BRIP1: variants seen among roughly 807,000 people sequenced by gnomAD.
BRIP1 encodes BRCA1 interacting DNA helicase 1.
A neutral mutation model predicts 119.7 loss-of-function variants in BRIP1; 88 were observed. The observed-to-expected ratio is 0.74, with a 90% CI of 0.62 to 0.88. The LOEUF (loss-of-function observed/expected upper bound fraction) is 0.88. BRIP1 is among the 40% of genes least tolerant of loss of function. The pLI is 0.00. For missense variants in BRIP1, 1,259 were observed against 1,455.4 expected, an observed-to-expected ratio of 0.87 and a Z score of 2.20; for synonymous variants, 443 against 496.5, an observed-to-expected ratio of 0.89 and a Z score of 1.43.
Position 61,743,062 on chromosome 17 carries a change from C to T in BRIP1, c.2330G>A (p.Arg777His), listed in dbSNP as rs747568830. The T allele has an allele frequency of 1.4e-5, 22 of 1,613,802 alleles. No individual in the cohort carries two copies. The highest frequency in any genetic ancestry group is 4.0e-5 in the African/African-American group (3 of 74,896). Residue 777 changes from arginine to histidine, a missense_variant, in exon 16 of 20, where the codon CGT (arginine) becomes CAT (histidine). Physicochemically the swap from Arg to His is conservative, Grantham distance 29. Around this residue, in one of 3 missense-constraint regions of BRIP1, gnomAD observed 753 missense variants for 891.8 expected, o/e 0.84. Transcript: ENST00000259008. The surrounding 1 kb of genome is among the most constrained non-coding windows in gnomAD (Gnocchi z 4.3). ...EGLDFSDDNA[R>H]AVITIGIPFP... Reference sequence around the variant, plus strand: ...AGGAATTCCTATTGTTATGACAGCACGGGCATTGTCATCTGAGAAATCCAG... The same window carrying T: ...AGGAATTCCTATTGTTATGACAGCATGGGCATTGTCATCTGAGAAATCCAG...
At position 61,706,100 on chromosome 17, in the gene BRIP1, G is replaced by A. The variant is rs1472001537; in HGVS notation, c.2492+9851C>T. On this transcript the variant is annotated intron_variant, in intron 17 of 19. Transcript: ENST00000259008. The surrounding 1 kb of genome is among the most constrained non-coding windows in gnomAD (Gnocchi z 5.7). ...GTATTTTGAAACCCTGTTTTGGGGT[G>A]CATACACATTTATGATTCTTATGTC... 6.6e-6 allele frequency among the ~76,000 whole-genome samples: 1 copy of A among 152,082 alleles called. No individual in the cohort carries two copies. The highest frequency in any genetic ancestry group is 2.4e-5 in the African/African-American group (1 of 41,436).
chr17:61,786,368 G>A (rs1027394369), intron 10 of BRIP1, among the ~76,000 whole-genome samples: 3 of 151,904 alleles, frequency 2.0e-5, no homozygotes, highest in Non-Finnish European at 4.4e-5. Flanking sequence ...AATATCAGAA[G>A]AAACCACTAC....
intron 14 of BRIP1, among the ~76,000 whole-genome samples, chr17:61,773,233 A>G (rs1466289228): frequency 6.6e-6 from 1 of 152,134 alleles, no homozygotes; most frequent in Non-Finnish European, 1.5e-5. Flanking sequence ...AAAAACCTGC[A>G]GAACAACTAA....
At chr17:61,712,275 G>A (rs930981843) in intron 17 of BRIP1, among the ~76,000 whole-genome samples, 1 of 151,886 alleles carries the variant, frequency 6.6e-6, no homozygotes, top group Non-Finnish European at 1.5e-5. Flanking sequence ...GTGCAGTGGC[G>A]CAATCTTAGC....
At chr17:61,836,061 G>T (rs961498378) in intron 6 of BRIP1, among the ~76,000 whole-genome samples, 2 of 145,182 alleles carry the variant, frequency 1.4e-5, no homozygotes, top group African/African-American at 2.6e-5. Flanking sequence ...TTTTTATTCT[G>T]TATTGGTTTT....
chr17:61,838,137 G>A (rs1390777617), intron 6 of BRIP1, among the ~76,000 whole-genome samples: 1 of 152,080 alleles, frequency 6.6e-6, no homozygotes, highest in East Asian at 1.9e-4. Flanking sequence ...CCTTTGCAGG[G>A]ATGAGAATTA....
At position 61,760,685 on chromosome 17, in the gene BRIP1, T is replaced by C. The variant is rs866535952; in HGVS notation, c.2097+15716A>G. On this transcript the variant is annotated intron_variant, in intron 14 of 19. Coordinates refer to ENST00000259008, the MANE Select transcript of BRIP1 (RefSeq NM_032043.3). This position sits in a 1 kb window ranked among gnomAD's most constrained non-coding sequence, Gnocchi z 4.6. ...AAATAAACTGGATACCTGGAAGAAATGGATAAATTCCTAGACACATACAAC... is the reference window on the plus strand; with the variant it reads ...AAATAAACTGGATACCTGGAAGAAACGGATAAATTCCTAGACACATACAAC... Among the ~76,000 whole-genome samples, 9 of 151,902 alleles carry C rather than the reference T, an allele frequency of 5.9e-5. No individual in the cohort carries two copies. Among genetic ancestry groups the C allele is most frequent in the African/African-American group, 1.9e-4 (8 of 41,410 alleles).
At chr17:61,855,831 T>G (rs1054670800) in intron 4 of BRIP1, among the ~76,000 whole-genome samples, 1 of 152,084 alleles carries the variant, frequency 6.6e-6, no homozygotes, top group African/African-American at 2.4e-5. Flanking sequence ...CATGAAGTAG[T>G]CTGCCAAGGA....
rs932798878 is a variant in BRIP1 at position 61,826,651 on chromosome 17, T to C, written c.628-17894A>G. Among the ~76,000 whole-genome samples, 3 of 147,246 alleles carry C rather than the reference T, an allele frequency of 2.0e-5. No individual in the cohort carries two copies. In the Admixed American group the frequency reaches 2.1e-4, roughly 10 times the overall value. On this transcript the variant is annotated intron_variant, in intron 6 of 19. Coordinates refer to ENST00000259008, the MANE Select transcript of BRIP1 (RefSeq NM_032043.3). ...TCCTATGGAAAAAAGCTAACATTACTGATCATTAGAGAAATGCAAATCAAA... is the reference window on the plus strand; with the variant it reads ...TCCTATGGAAAAAAGCTAACATTACCGATCATTAGAGAAATGCAAATCAAA...
chr17:61,742,913 T>C lies in BRIP1; in HGVS notation c.2379+100A>G. Reference sequence around the variant, plus strand: ...AAACCTTCAATTTGTAAAAAAGCACTATAAAAGCAAAGCGCAATAAAATGA... The same window carrying C: ...AAACCTTCAATTTGTAAAAAAGCACCATAAAAGCAAAGCGCAATAAAATGA... On this transcript the variant is annotated intron_variant, in intron 16 of 19. Transcript: ENST00000259008. The surrounding 1 kb of genome is among the most constrained non-coding windows in gnomAD (Gnocchi z 4.7). The C allele has an allele frequency of 6.8e-7, 1 of 1,479,392 alleles. No homozygotes were observed. The highest frequency in any genetic ancestry group is 9.4e-7 in the Non-Finnish European group (1 of 1,062,968). 91.6% of individuals were successfully genotyped at this position (1,479,392 alleles called of 1,614,324 possible). A position where few individuals can be genotyped will look rare whatever the true frequency, so the allele number is the denominator to read the frequency against.
rs1404613765 is a variant in BRIP1, at chr17:61,738,215, G to A, written c.2379+4798C>T. Among the ~76,000 whole-genome samples, 1 of 152,180 alleles carries A rather than the reference G, an allele frequency of 6.6e-6. No individual in the cohort carries two copies. Among genetic ancestry groups the A allele is most frequent in the Non-Finnish European group, 1.5e-5 (1 of 68,028 alleles). On this transcript the variant is annotated intron_variant, in intron 16 of 19. Coordinates refer to ENST00000259008, the MANE Select transcript of BRIP1 (RefSeq NM_032043.3). The surrounding 1 kb of genome is among the most constrained non-coding windows in gnomAD (Gnocchi z 4.2). ...TCATCTGTCACCCAATCACTCCAGAGATGTATGACCTGTAATAAATGATTG... is the reference window on the plus strand; with the variant it reads ...TCATCTGTCACCCAATCACTCCAGAAATGTATGACCTGTAATAAATGATTG...
At position 61,803,546 on chromosome 17, in the gene BRIP1, C is replaced by A. The variant is rs2078027590; in HGVS notation, c.919-2072G>T. Among the ~76,000 whole-genome samples the A allele has an allele frequency of 1.3e-5, 2 of 151,326 alleles. No homozygotes were observed. ...GGGAGACTCAATCTCTACAAAAAAA[C>A]AAAAAAAATTAAACCGCAGTGAGCA... On this transcript the variant is annotated intron_variant, in intron 7 of 19. Coordinates refer to ENST00000259008, the MANE Select transcript of BRIP1 (RefSeq NM_032043.3). This position sits in a 1 kb window ranked among gnomAD's most constrained non-coding sequence, Gnocchi z 4.3.
Position 61,727,782 on chromosome 17 carries a change from CTCTCTCTCTA to C in BRIP1, c.2380-11729_2380-11720del, listed in dbSNP as rs1307823748. On this transcript the variant is annotated intron_variant, in intron 16 of 19. Transcript: ENST00000259008. The stretch of plus-strand genomic sequence containing the variant: ...TGTCTGTCTGTCTGTCTCTCTCTCT[CTCTCTCTCTA>C]TATATATATATATAATCTTTCAAAC... Among the ~76,000 whole-genome samples the C allele has an allele frequency of 2.7e-3, 399 of 147,528 alleles. 3 individuals are homozygous for C. The highest frequency in any genetic ancestry group is 9.3e-3 in the African/African-American group (371 of 39,960).
At position 61,716,063 on chromosome 17, in the gene BRIP1, C is replaced by A. The variant is rs1261005517; in HGVS notation, c.2380G>T (p.Val794Phe). 6.4e-7 allele frequency: 1 copy of A among 1,556,998 alleles called. No individual in the cohort carries two copies. The highest frequency in any genetic ancestry group is 1.7e-5 in the Admixed American group (1 of 58,522). ...TCATTGTATTGTCGTTTTAGTTCAACCTAATAATTTTAAAATATATTTAAA... is the reference window on the plus strand; with the variant it reads ...TCATTGTATTGTCGTTTTAGTTCAAACTAATAATTTTAAAATATATTTAAA... ...IPFPNVKDLQVELKRQYNDHH... is the reference protein window; with the variant it reads ...IPFPNVKDLQFELKRQYNDHH... The change falls in exon 17 of 20, where the codon GTT becomes TTT. Residue 794 changes from valine to phenylalanine, a missense_variant and splice_region_variant. Physicochemically the swap from Val to Phe is conservative, Grantham distance 50 (BLOSUM62 -1). Transcript: ENST00000259008.
chr17:61,781,441 A>G (rs1418993975), intron 11 of BRIP1, among the ~76,000 whole-genome samples: 1 of 151,842 alleles, frequency 6.6e-6, no homozygotes, highest in Admixed American at 6.5e-5. Context: ...ATGAGAAAAT[A>G]GAAGGATAAT....
chr17:61,789,332 G>A lies in BRIP1; in HGVS notation c.1473+4265C>T, dbSNP rs1450125678. Among the ~76,000 whole-genome samples the A allele has an allele frequency of 6.6e-6, 1 of 151,500 alleles. No individual in the cohort carries two copies. Among genetic ancestry groups the A allele is most frequent in the Non-Finnish European group, 1.5e-5 (1 of 67,898 alleles). Reference sequence around the variant, plus strand: ...TAAAAAAAGAAAAATAGGTAGCAGAGGTAGCATTACAAATTAGAGGGAAAT... The same window carrying A: ...TAAAAAAAGAAAAATAGGTAGCAGAAGTAGCATTACAAATTAGAGGGAAAT... On this transcript the variant is annotated intron_variant, in intron 10 of 19. Transcript: ENST00000259008. This position sits in a 1 kb window ranked among gnomAD's most constrained non-coding sequence, Gnocchi z 4.8.
At chr17:61,732,146 A>G (rs114034260) in intron 16 of BRIP1, among the ~76,000 whole-genome samples, 5,027 of 151,574 alleles carry the variant, frequency 0.033, 320 homozygotes, top group African/African-American at 0.12. Context: ...ACACCCAGCT[A>G]ATTTGTGTAT....
rs571646822 is a variant in BRIP1 at position 61,774,184 on chromosome 17, C to T, written c.2097+2217G>A. Among the ~76,000 whole-genome samples, 1 of 152,216 alleles carries T rather than the reference C, an allele frequency of 6.6e-6. No individual in the cohort carries two copies. Among genetic ancestry groups the T allele is most frequent in the Admixed American group, 6.5e-5 (1 of 15,298 alleles). ...ACAATAGCAAAGACTTGGAACCAAC[C>T]CAAATGTCCATCAATGATAGACTGG... On this transcript the variant is annotated intron_variant, in intron 14 of 19. Coordinates refer to ENST00000259008, the MANE Select transcript of BRIP1 (RefSeq NM_032043.3). The surrounding 1 kb of genome is among the most constrained non-coding windows in gnomAD (Gnocchi z 5.8).
At chr17:61,854,702 CA>C (rs60657866) in intron 4 of BRIP1, among the ~76,000 whole-genome samples, 25,943 of 82,450 alleles carry the variant, frequency 0.31, 1,878 homozygotes, top group South Asian at 0.5. Context: ...GACTCCGTCT[CA>C]AAAAAAAAAA....
Sources: allele counts gnomAD v4.1 joint callset (sites outside exome capture counted in the v4.1 genomes callset), GRCh38; gene constraint gnomAD v4.1.1; regional missense constraint gnomAD v4.1.1; non-coding constraint Gnocchi (gnomAD v3.1); transcripts MANE v1.5; gene names NCBI Gene and HGNC (gene_info 2026-07-23, HGNC 2026-07-21).